The following RBFOX2 variants were observed in gnomAD, a reference collection of about 807,000 sequenced individuals.
RBFOX2 encodes the protein RNA binding protein fox-1 homolog 2.
A neutral mutation model predicts 49.1 loss-of-function variants in RBFOX2; 10 were observed. That is an observed-to-expected ratio of 0.20 (90% confidence interval 0.13 to 0.35). The LOEUF (loss-of-function observed/expected upper bound fraction) is 0.35, where lower values mean the gene tolerates loss of function less well. Among genes scored for constraint, RBFOX2 ranks in the 10% least tolerant of loss-of-function variants. The pLI is 1.00. For missense variants in RBFOX2, 323 were observed against 486.9 expected, an observed-to-expected ratio of 0.66 and a Z score of 3.17; for synonymous variants, 183 against 187.4, an observed-to-expected ratio of 0.98 and a Z score of 0.19.
At chr22:35,885,843 A>ATTT (rs538674450) in intron 1 of RBFOX2, among the ~76,000 whole-genome samples, 1,382 of 83,188 alleles carry the variant, frequency 0.017, 171 homozygotes, top group African/African-American at 0.021. Context: ...CCCAAACCTA[A>ATTT]TTTTTTTTTT....
At chr22:35,949,442 T>G (rs190041577) in intron 1 of RBFOX2, among the ~76,000 whole-genome samples, 1 of 152,342 alleles carries the variant, frequency 6.6e-6, no homozygotes, top group East Asian at 1.9e-4. Flanking sequence ...CTTTGGTGTT[T>G]GCACAGTGAC....
At chr22:35,784,583 C>A (rs887187500) in intron 2 of RBFOX2, among the ~76,000 whole-genome samples, 1 of 152,266 alleles carries the variant, frequency 6.6e-6, no homozygotes, top group Non-Finnish European at 1.5e-5. Context: ...AAGGCTTCCA[C>A]TGCCCAAGGG....
chr22:35,923,867 A>AGGGAAGCAAGT (rs914590965), intron 1 of RBFOX2, among the ~76,000 whole-genome samples: 2 of 152,126 alleles, frequency 1.3e-5, no homozygotes, highest in African/African-American at 4.8e-5. Context: ...CTTAGTAAAT[A>AGGGAAGCAAGT]GGGAAGCAAG....
exon 12 of RBFOX2, chr22:35,742,073 T>A (rs1013898611): frequency 1.3e-5 from 2 of 152,158 alleles, no homozygotes; most frequent in African/African-American, 4.8e-5. Context: ...AAAGCCCGCA[T>A]CCCATTCCCC....
rs1048290097 is a variant in RBFOX2, at chr22:35,840,048, G to T, written c.27+144C>A. ...CACATAAACGGACTCAACAGACACA[G>T]ACTTTTCAGCTGATAACAATAAATC... On this transcript the variant is annotated intron_variant, in intron 1 of 11. Coordinates refer to ENST00000405409, the Ensembl canonical transcript of RBFOX2. The T allele has an allele frequency of 4.3e-6, 5 of 1,150,236 alleles. No homozygotes were observed. The African/African-American group carries it at 6.2e-5, about 14-fold the overall frequency. The allele number at this position is 1,150,236 out of a possible 1,614,324, so 71.3% of individuals were successfully genotyped here. A position where few individuals can be genotyped will look rare whatever the true frequency, so the allele number is the denominator to read the frequency against.
At chr22:35,886,306 T>A (rs1046456170) in intron 1 of RBFOX2, among the ~76,000 whole-genome samples, 1 of 152,060 alleles carries the variant, frequency 6.6e-6, no homozygotes, top group African/African-American at 2.4e-5. Context: ...TTAATAATAG[T>A]GAAAGATGCT....
At chr22:35,772,996 T>C (rs894118923) in intron 4 of RBFOX2, among the ~76,000 whole-genome samples, 1 of 150,496 alleles carries the variant, frequency 6.6e-6, no homozygotes, top group Non-Finnish European at 1.5e-5. Context: ...AACACAGAAA[T>C]TTAAAAATAA....
rs1377787774 is a variant in RBFOX2 at position 35,853,549 on chromosome 22, A to G, written c.-33-43545T>C. ...AAGTTAGACATGTATGTATATGTAT[A>G]CACATATACGTAATGTATTGGTTGA... On this transcript the variant is annotated intron_variant, in intron 1 of 13. Coordinates refer to the RBFOX2 transcript ENST00000359369. Among the ~76,000 whole-genome samples the G allele has an allele frequency of 2.6e-5, 4 of 152,294 alleles. No homozygotes were observed. In the South Asian group the frequency reaches 8.3e-4, roughly 32 times the overall value.
chr22:35,909,246 C>A (rs1233341537), intron 1 of RBFOX2, among the ~76,000 whole-genome samples: 1 of 152,006 alleles, frequency 6.6e-6, no homozygotes, highest in Non-Finnish European at 1.5e-5. Flanking sequence ...TCGCTTGGGG[C>A]CAGGAATTTG....
chr22:35,795,032 C>T (rs765284898), intron 2 of RBFOX2, among the ~76,000 whole-genome samples: 19 of 152,118 alleles, frequency 1.2e-4, no homozygotes, highest in Admixed American at 6.6e-4. Context: ...TTCAAAAATA[C>T]CCATGCATAA....
At chr22:35,933,451 A>C (rs2052656284) in intron 1 of RBFOX2, among the ~76,000 whole-genome samples, 1 of 152,220 alleles carries the variant, frequency 6.6e-6, no homozygotes, top group Admixed American at 6.5e-5. Flanking sequence ...GAAAGCTTTC[A>C]ACACTTAGTT....
intron 4 of RBFOX2, among the ~76,000 whole-genome samples, chr22:35,774,810 C>T (rs1291614930): frequency 6.6e-6 from 1 of 151,974 alleles, no homozygotes; most frequent in East Asian, 1.9e-4. Context: ...ATCCTAAAAC[C>T]CTGGGTGATG....
intron 9 of RBFOX2, chr22:35,750,336 T>C: frequency 2.4e-6 from 2 of 819,738 alleles, no homozygotes; most frequent in South Asian, 3.7e-5. Context: ...AGCTGATGTG[T>C]ATTGCTTTTA....
At chr22:35,962,141 G>A (rs2056262503), upstream of RBFOX2, among the ~76,000 whole-genome samples, 3 of 152,180 alleles carry the variant, frequency 2.0e-5, no homozygotes, top group South Asian at 6.2e-4. Context: ...CAAGGATTGG[G>A]AACTCCACGC....
intron 1 of RBFOX2, among the ~76,000 whole-genome samples, chr22:36,008,359 G>A (rs1254297042): frequency 6.6e-6 from 1 of 151,962 alleles, no homozygotes; most frequent in Non-Finnish European, 1.5e-5. Context: ...AAAAGAAGGG[G>A]GAGGGCTGTT....
At chr22:35,977,335 G>C (rs535942255) in intron 1 of RBFOX2, among the ~76,000 whole-genome samples, 1 of 152,006 alleles carries the variant, frequency 6.6e-6, no homozygotes, top group South Asian at 2.1e-4. Flanking sequence ...CCCAACCTTA[G>C]GTATTTACCC....
chr22:35,887,328 C>A lies in RBFOX2; in HGVS notation c.-34+51519G>T, dbSNP rs193126241. On this transcript the variant is annotated intron_variant, in intron 1 of 13. Coordinates refer to the RBFOX2 transcript ENST00000359369. ...CATACCTGAACAACTACAATGGTAA[C>A]TGTTCTCTATGCCTTTTCTGATCCC... is the stretch of plus-strand genomic sequence containing the variant. Among the ~76,000 whole-genome samples, 89 of 152,210 alleles carry A rather than the reference C, an allele frequency of 5.8e-4. 2 individuals are homozygous for A. Among genetic ancestry groups the A allele is most frequent in the African/African-American group, 2.0e-3 (83 of 41,514 alleles).
At chr22:35,874,288 T>A (rs931902385) in intron 1 of RBFOX2, among the ~76,000 whole-genome samples, 1 of 152,120 alleles carries the variant, frequency 6.6e-6, no homozygotes, top group African/African-American at 2.4e-5. Context: ...CAAAGCAATT[T>A]ACCTAGAGTA....
At position 36,003,528 on chromosome 22, in the gene RBFOX2, T is replaced by C. The variant is rs574399225; in HGVS notation, c.186+24712A>G. On this transcript the variant is annotated intron_variant, in intron 1 of 13. Coordinates refer to the RBFOX2 transcript ENST00000438146. ...CCAAGCTGACAGTACTGGGTACCTCTAGGAAAAGAACAGATATTGGAGGTG... is the reference window on the plus strand; with the variant it reads ...CCAAGCTGACAGTACTGGGTACCTCCAGGAAAAGAACAGATATTGGAGGTG... 2.6e-5 allele frequency among the ~76,000 whole-genome samples: 4 copies of C among 152,314 alleles called. No individual in the cohort carries two copies. In the South Asian group the frequency reaches 8.3e-4, roughly 32 times the overall value.
Sources: gnomAD v4.1 joint callset for allele counts (sites outside exome capture counted in the v4.1 genomes callset) on GRCh38, gnomAD v4.1.1 for gene constraint, MANE v1.5 for transcripts, NCBI Gene and HGNC (gene_info 2026-07-23, HGNC 2026-07-21) for gene names.